CNTN5: variants seen among roughly 807,000 people sequenced by gnomAD.
The protein encoded by CNTN5 is contactin 5.
A neutral mutation model predicts 129.1 loss-of-function variants in CNTN5; 77 were observed. The observed-to-expected ratio is 0.60, with a 90% CI of 0.50 to 0.72. The LOEUF is 0.72. Among genes scored for constraint, CNTN5 ranks in the 30% least tolerant of loss-of-function variants. The probability of loss-of-function intolerance (pLI) is 0.00; values close to 1 mark genes in which losing one functional copy is unlikely to be tolerated. For synonymous variants in CNTN5, 509 were observed against 465.6 expected (o/e 1.09, Z -1.20); for missense variants, 1,478 against 1,328.8 (o/e 1.11, Z -1.75).
intron 13 of CNTN5, among the ~76,000 whole-genome samples, chr11:100,182,218 G>C (rs1948157504): frequency 6.6e-6 from 1 of 151,956 alleles, no homozygotes; most frequent in Non-Finnish European, 1.5e-5. Flanking sequence ...GTTTTAGTTT[G>C]GGCAGCTGTA....
At chr11:99,380,077 G>GTGTC (rs1940440424) in intron 2 of CNTN5, among the ~76,000 whole-genome samples, 1 of 114,912 alleles carries the variant, frequency 8.7e-6, no homozygotes. Flanking sequence ...TCATAATGGT[G>GTGTC]TGTCTGTGTG....
intron 3 of CNTN5, among the ~76,000 whole-genome samples, chr11:99,570,609 G>A (rs1004577681): frequency 6.6e-6 from 1 of 152,132 alleles, no homozygotes; most frequent in African/African-American, 2.4e-5. Flanking sequence ...TTTATTATGT[G>A]CCTGCTAGAT....
intron 3 of CNTN5, among the ~76,000 whole-genome samples, chr11:99,682,357 TGA>T (rs1443950712): frequency 6.6e-6 from 1 of 151,640 alleles, no homozygotes; most frequent in Non-Finnish European, 1.5e-5. Flanking sequence ...ACGTCATAGG[TGA>T]GTCAAAGAAT....
At chr11:99,654,900 A>C (rs528452495) in intron 3 of CNTN5, among the ~76,000 whole-genome samples, 4 of 152,048 alleles carry the variant, frequency 2.6e-5, no homozygotes, top group Non-Finnish European at 4.4e-5. Flanking sequence ...AGCAGAAAAA[A>C]AGGTTTAATC....
chr11:99,358,078 C>A (rs1016381742), intron 2 of CNTN5, among the ~76,000 whole-genome samples: 1 of 145,340 alleles, frequency 6.9e-6, no homozygotes, highest in African/African-American at 2.5e-5. Context: ...AATAAAATAA[C>A]CTTCACATCA....
chr11:100,291,909 G>T (rs974690600), intron 18 of CNTN5, among the ~76,000 whole-genome samples: 3 of 151,692 alleles, frequency 2.0e-5, no homozygotes, highest in South Asian at 4.2e-4. Flanking sequence ...CAAAAAAAAG[G>T]TTTTTTCTTC....
At chr11:100,011,846 G>A (rs1940554763) in intron 9 of CNTN5, among the ~76,000 whole-genome samples, 1 of 152,046 alleles carries the variant, frequency 6.6e-6, no homozygotes, top group South Asian at 2.1e-4. Context: ...TGTCTCAAAT[G>A]GCTGCTCTTG....
chr11:100,132,301 G>T (rs2138213261), intron 13 of CNTN5, among the ~76,000 whole-genome samples: 1 of 152,098 alleles, frequency 6.6e-6, no homozygotes, highest in African/African-American at 2.4e-5. Flanking sequence ...TCAATATAAT[G>T]ATTATGAAAA....
intron 15 of CNTN5, among the ~76,000 whole-genome samples, chr11:100,202,612 A>C (rs1323018201): frequency 6.6e-6 from 1 of 151,690 alleles, no homozygotes; most frequent in African/African-American, 2.4e-5. Context: ...TGTTTGTTTT[A>C]TAATAAGTTT....
chr11:99,840,610 G>T (rs1947456028), intron 4 of CNTN5, among the ~76,000 whole-genome samples: 2 of 151,958 alleles, frequency 1.3e-5, no homozygotes, highest in Admixed American at 6.6e-5. Flanking sequence ...ATACCTAGCA[G>T]TTTGTTAATA....
At chr11:100,228,566 C>G (rs1050913405) in intron 16 of CNTN5, among the ~76,000 whole-genome samples, 1 of 152,220 alleles carries the variant, frequency 6.6e-6, no homozygotes, top group Non-Finnish European at 1.5e-5. Flanking sequence ...CCACTTTTCA[C>G]TGCAAAAGTA....
intron 2 of CNTN5, among the ~76,000 whole-genome samples, chr11:99,459,456 A>G (rs1232762507): frequency 6.6e-6 from 1 of 152,000 alleles, no homozygotes; most frequent in East Asian, 1.9e-4. Flanking sequence ...GCATTTTATG[A>G]GCATTAACAT....
In CNTN5 at chr11:99,153,474, C is replaced by A. The variant is rs536824034; in HGVS notation, c.-210+132204C>A. On this transcript the variant is annotated intron_variant, in intron 1 of 24. Transcript: ENST00000524871. Reference sequence around the variant, plus strand: ...TAATATCCTTGAAGTGAGTTTTCAGCTCTATCAGATCAGGTTTTTTTTTTT... The same window carrying A: ...TAATATCCTTGAAGTGAGTTTTCAGATCTATCAGATCAGGTTTTTTTTTTT... 6.1e-5 allele frequency among the ~76,000 whole-genome samples: 9 copies of A among 148,216 alleles called. No individual in the cohort carries two copies. In the East Asian group the frequency reaches 1.8e-3, roughly 29 times the overall value.
At chr11:99,839,955 T>G (rs1019624191) in intron 4 of CNTN5, among the ~76,000 whole-genome samples, 2 of 151,780 alleles carry the variant, frequency 1.3e-5, no homozygotes, top group African/African-American at 4.8e-5. Context: ...AAAAAGAAAG[T>G]CATAAGACTG....
At chr11:100,191,529 G>A (rs993724603) in intron 14 of CNTN5, among the ~76,000 whole-genome samples, 6 of 152,048 alleles carry the variant, frequency 3.9e-5, no homozygotes, top group African/African-American at 1.4e-4. Context: ...TTTAGTCAGT[G>A]TCTCAAAACT....
intron 6 of CNTN5, among the ~76,000 whole-genome samples, chr11:99,889,694 T>C (rs1302204476): frequency 6.6e-6 from 1 of 151,802 alleles, no homozygotes. Flanking sequence ...CACTGCCACG[T>C]CCAGCTAATT....
At chr11:100,339,343 T>C (rs1952108803) in intron 21 of CNTN5, among the ~76,000 whole-genome samples, 1 of 151,898 alleles carries the variant, frequency 6.6e-6, no homozygotes, top group Admixed American at 6.6e-5. Flanking sequence ...GCAATGAAAA[T>C]GGCTCTCAGT....
chr11:99,651,407 T>G (rs1234038407), intron 3 of CNTN5, among the ~76,000 whole-genome samples: 1 of 151,888 alleles, frequency 6.6e-6, no homozygotes, highest in African/African-American at 2.4e-5. Context: ...TAAAAGCAAT[T>G]CATCCTAGAA....
intron 6 of CNTN5, among the ~76,000 whole-genome samples, chr11:99,879,812 A>T (rs1488770822): frequency 3.3e-5 from 5 of 152,200 alleles, no homozygotes. Context: ...AACTGGCCTA[A>T]GATCGAGAGT....
Sources: gnomAD v4.1 joint callset for allele counts (sites outside exome capture counted in the v4.1 genomes callset) on GRCh38, gnomAD v4.1.1 for gene constraint, MANE v1.5 for transcripts, NCBI Gene and HGNC (gene_info 2026-07-23, HGNC 2026-07-21) for gene names.